The following AFF1 variants were observed in gnomAD, a reference collection of about 807,000 sequenced individuals.
AFF1 encodes the protein AF4/FMR2 family member 1.
Under a neutral mutation model 121.7 loss-of-function variants are expected in AFF1, and 48 were observed. That is an observed-to-expected ratio of 0.39 (90% CI 0.31 to 0.50). The LOEUF is 0.50. Ranked by LOEUF, AFF1 falls within the 20% of genes least tolerant of loss-of-function variation. AFF1 has a pLI of 0.76. For missense variants in AFF1, 1,523 were observed against 1,511.7 expected (o/e 1.01, Z -0.12); for synonymous variants, 613 against 563.0 (o/e 1.09, Z -1.26).
chr4:87,075,630 T>G (rs1456571190), intron 4 of AFF1, among the ~76,000 whole-genome samples: 1 of 152,222 alleles, frequency 6.6e-6, no homozygotes. Flanking sequence ...TTTTGCATTC[T>G]GAGAAATTTA....
intron 2 of AFF1, among the ~76,000 whole-genome samples, chr4:86,986,040 C>CAATTTAATTT (rs60227626): frequency 0.017 from 2,280 of 135,546 alleles, 18 homozygotes; most frequent in Middle Eastern, 0.029. Context: ...TAATTCAATT[C>CAATTTAATTT]AATTTAATTT....
intron 2 of AFF1, among the ~76,000 whole-genome samples, chr4:86,961,847 G>C (rs572625368): frequency 6.6e-6 from 1 of 151,998 alleles, no homozygotes; most frequent in East Asian, 1.9e-4. Context: ...ACCTCTCAAC[G>C]GTTAGAAGTT....
intron 6 of AFF1, 137 bp from the exon 7 acceptor site, chr4:87,091,656 T>G: frequency 1.6e-6 from 1 of 622,752 alleles, no homozygotes; most frequent in South Asian, 2.1e-5. Flanking sequence ...ATGGGTATTC[T>G]CTACACTGTT....
At chr4:87,129,725 A>G (rs1200002690) in intron 16 of AFF1, among the ~76,000 whole-genome samples, 1 of 152,208 alleles carries the variant, frequency 6.6e-6, no homozygotes. Flanking sequence ...AATATTCTGA[A>G]ATATACATGT....
At chr4:87,079,871 G>A (rs193255568) in intron 4 of AFF1, among the ~76,000 whole-genome samples, 254 of 152,306 alleles carry the variant, frequency 1.7e-3, no homozygotes, top group Non-Finnish European at 2.7e-3. Context: ...TTAAGTTTAT[G>A]TAATAGGGAT....
At chr4:86,948,797 A>T (rs933241495) in intron 2 of AFF1, among the ~76,000 whole-genome samples, 2 of 152,068 alleles carry the variant, frequency 1.3e-5, no homozygotes, top group African/African-American at 4.8e-5. Flanking sequence ...ATTTTTTTTA[A>T]AAATGTGGAT....
chr4:87,008,021 T>G (rs1726343963), intron 2 of AFF1, among the ~76,000 whole-genome samples: 2 of 152,160 alleles, frequency 1.3e-5, no homozygotes, highest in Admixed American at 6.6e-5. Flanking sequence ...AGGAGCGCTA[T>G]TGTAAGAACC....
At chr4:87,060,867 A>AAAAAAAC (rs1560586070) in intron 4 of AFF1, among the ~76,000 whole-genome samples, 44 of 41,068 alleles carry the variant, frequency 1.1e-3, no homozygotes, top group Non-Finnish European at 1.8e-3. Flanking sequence ...AAAAAAAAAA[A>AAAAAAAC]CACAAAAAAA....
chr4:87,030,354 C>T (rs1728950385), intron 2 of AFF1, among the ~76,000 whole-genome samples: 2 of 152,154 alleles, frequency 1.3e-5, no homozygotes, highest in African/African-American at 4.8e-5. Context: ...TCTTTATTTA[C>T]AAAAATAGGT....
chr4:87,091,232 G>A (rs563016351), intron 6 of AFF1, among the ~76,000 whole-genome samples: 5 of 151,312 alleles, frequency 3.3e-5, no homozygotes, highest in South Asian at 4.2e-4. Flanking sequence ...GTGAAACACC[G>A]TCTCTACTAA....
In AFF1 at chr4:87,095,084, G is replaced by T. The variant is rs1367517081; in HGVS notation, c.1283+115G>T. The T allele has an allele frequency of 5.1e-6, 5 of 984,280 alleles. No individual in the cohort carries two copies. In the East Asian group the frequency reaches 1.3e-4, roughly 25 times the overall value. 61.0% of individuals were successfully genotyped at this position (984,280 alleles called of 1,614,324 possible). A position where few individuals can be genotyped will look rare whatever the true frequency, so the allele number is the denominator to read the frequency against. ...ATGTAATGACATTAATAAGACTGCT[G>T]CATTCTAAAGGGAAGAAAGGGCCCA... On this transcript the variant is annotated intron_variant, in intron 8 of 20. Coordinates refer to ENST00000395146, the MANE Select transcript of AFF1 (RefSeq NM_001166693.3).
In AFF1 at chr4:87,022,662, G is replaced by GTGTGTGTGTATATATATAGC. The variant is rs1728113778; in HGVS notation, c.39-23497_39-23496insGTATATATATAGCTGTGTGT. 2.7e-5 allele frequency among the ~76,000 whole-genome samples: 2 copies of GTGTGTGTGTATATATATAGC among 74,106 alleles called. 1 individual carries two copies. The highest frequency in any genetic ancestry group is 3.7e-4 in the Admixed American group (2 of 5,418). 48.6% of individuals were successfully genotyped at this position (74,106 alleles called of 152,430 possible). On this transcript the variant is annotated intron_variant, in intron 2 of 20. Transcript: ENST00000395146. ...TGTATATATGTGTGTGTATATATAT[G>GTGTGTGTGTATATATATAGC]TGTGTGTATATATATGTGTGTGTAT...
At chr4:86,965,318 A>G (rs1469088802) in intron 2 of AFF1, among the ~76,000 whole-genome samples, 1 of 152,232 alleles carries the variant, frequency 6.6e-6, no homozygotes, top group African/African-American at 2.4e-5. Context: ...TGGTGCCTAC[A>G]GGTTACCTGT....
rs1721102942 is a variant in AFF1, at chr4:86,949,359, CCT to C, written c.38+789_38+790del. On this transcript the variant is annotated intron_variant, in intron 2 of 20. Coordinates refer to ENST00000395146, the MANE Select transcript of AFF1 (RefSeq NM_001166693.3). ...CTAACCCCTGACCTCAGGTGATCCC[CCT>C]GCCTCGGCCTCCCAAAGTGCTGGAA... 1.3e-4 allele frequency among the ~76,000 whole-genome samples: 19 copies of C among 150,300 alleles called. No homozygotes were observed. In the South Asian group the frequency reaches 4.0e-3, roughly 31 times the overall value.
Position 87,140,691 on chromosome 4 carries a change from G to T in AFF1, c.*4990G>T, listed in dbSNP as rs1263201978. On this transcript the variant is annotated 3_prime_UTR_variant, in exon 21 of 21. Transcript: ENST00000395146. ...ATTTTGTACATAGGGTAGGGAAGCA[G>T]TGATGCTCTCAATGGGAAGATGTGC... 5.2e-6 allele frequency: 1 copy of T among 190,578 alleles called. No individual in the cohort carries two copies. Among genetic ancestry groups the T allele is most frequent in the African/African-American group, 2.3e-5 (1 of 42,888 alleles). 11.8% of individuals were successfully genotyped at this position (190,578 alleles called of 1,614,324 possible).
At chr4:86,961,538 A>G (rs1578853385) in intron 2 of AFF1, among the ~76,000 whole-genome samples, 1 of 151,656 alleles carries the variant, frequency 6.6e-6, no homozygotes, top group Non-Finnish European at 1.5e-5. Context: ...TTTCCAGTGA[A>G]GGAACAAAGC....
At chr4:86,938,351 A>G (rs1032403384) in intron 1 of AFF1, among the ~76,000 whole-genome samples, 4 of 151,732 alleles carry the variant, frequency 2.6e-5, no homozygotes, top group South Asian at 4.2e-4. Context: ...TCGGGAGGCT[A>G]AGGCAGGAAA....
intron 12 of AFF1, among the ~76,000 whole-genome samples, chr4:87,121,232 A>G (rs1345274398): frequency 6.6e-6 from 1 of 152,174 alleles, no homozygotes; most frequent in African/African-American, 2.4e-5. Flanking sequence ...CCACAGGGCA[A>G]AGGGACTCCT....
intron 12 of AFF1, among the ~76,000 whole-genome samples, chr4:87,123,719 A>G (rs928346531): frequency 3.3e-5 from 5 of 152,218 alleles, no homozygotes; most frequent in African/African-American, 7.2e-5. Flanking sequence ...GTGTGGAGCC[A>G]GGCTGCTTAT....
Sources: gnomAD v4.1 joint callset for allele counts (sites outside exome capture counted in the v4.1 genomes callset) on GRCh38, gnomAD v4.1.1 for gene constraint, MANE v1.5 for transcripts, NCBI Gene and HGNC (gene_info 2026-07-23, HGNC 2026-07-21) for gene names.